UNC13C: variants seen among roughly 807,000 people sequenced by gnomAD.
UNC13C encodes the protein unc-13 homolog C, also known as protein unc-13 homolog C.
UNC13C carries 174 observed loss-of-function variants against 245.4 expected under a neutral mutation model. The ratio of observed to expected loss-of-function variants is 0.71; its 90% CI spans 0.63 to 0.80. The LOEUF is 0.80. Ranked by LOEUF, UNC13C falls within the 30% of genes least tolerant of loss-of-function variation. The pLI is 0.00. For synonymous variants in UNC13C, 992 were observed against 895.1 expected, an observed-to-expected ratio of 1.11 and a Z score of -1.93; for missense variants, 2,829 against 2,602.9, an observed-to-expected ratio of 1.09 and a Z score of -1.89.
intron 9 of UNC13C, among the ~76,000 whole-genome samples, chr15:54,265,120 A>G (rs1230571989): frequency 6.6e-6 from 1 of 151,980 alleles, no homozygotes; most frequent in Non-Finnish European, 1.5e-5. Context: ...ATGTATATGC[A>G]TGTGTATGTA....
rs561669875 is a variant in UNC13C at position 54,132,637 on chromosome 15, C to G, written c.2984-10381C>G. ...GCATACAGTAGGTACTCTGTAAAGG[C>G]TAATGACAGCTCAGCAACCCTCTGA... is the stretch of plus-strand genomic sequence containing the variant. On this transcript the variant is annotated intron_variant, in intron 2 of 32. Coordinates refer to ENST00000260323, the MANE Select transcript of UNC13C (RefSeq NM_001080534.3). 6.6e-5 allele frequency among the ~76,000 whole-genome samples: 10 copies of G among 152,280 alleles called. No homozygotes were observed. In the East Asian group the frequency reaches 1.9e-3, roughly 29 times the overall value.
In UNC13C at chr15:54,525,557, T is replaced by G. The variant is rs1231802487; in HGVS notation, c.5466T>G (p.Ser1822=). 1 of 1,612,016 alleles carries G rather than the reference T, an allele frequency of 6.2e-7. No homozygotes were observed. The change falls in exon 25 of 33, where the codon TCT becomes TCG. Residue 1822 remains serine (S), a synonymous_variant. Transcript: ENST00000260323. ...FESMGGKELD[S]EASTILKELQ... is the part of the protein sequence containing the mutation. ...TTATGGTCTCTCTGCAGCTAGATTCTGAAGCTAGTACTATTCTAAAAGAAC... is the reference window on the plus strand; with the variant it reads ...TTATGGTCTCTCTGCAGCTAGATTCGGAAGCTAGTACTATTCTAAAAGAAC...
At chr15:54,270,516 T>C (rs1427102702) in intron 10 of UNC13C, among the ~76,000 whole-genome samples, 1 of 152,178 alleles carries the variant, frequency 6.6e-6, no homozygotes, top group African/African-American at 2.4e-5. Flanking sequence ...TTAAAAATGA[T>C]AGCTGTATTA....
At chr15:54,080,968 ACT>A (rs1336155419) in intron 2 of UNC13C, among the ~76,000 whole-genome samples, 2 of 151,838 alleles carry the variant, frequency 1.3e-5, no homozygotes, top group Non-Finnish European at 2.9e-5. Context: ...TCCTCTTAAC[ACT>A]GTTTTGTTGT....
chr15:54,232,610 T>G (rs1344159753), intron 4 of UNC13C, among the ~76,000 whole-genome samples: 5 of 152,188 alleles, frequency 3.3e-5, no homozygotes, highest in African/African-American at 1.2e-4. Context: ...TATAACACTT[T>G]GCAGTTTATA....
intron 2 of UNC13C, among the ~76,000 whole-genome samples, chr15:54,026,822 CAATA>C (rs1270662711): frequency 1.3e-5 from 2 of 152,138 alleles, no homozygotes; most frequent in African/African-American, 4.8e-5. Context: ...GTTCATTCTT[CAATA>C]AATCTTTAAT....
chr15:54,283,648 C>T (rs956862465), intron 10 of UNC13C, among the ~76,000 whole-genome samples: 1 of 151,534 alleles, frequency 6.6e-6, no homozygotes, highest in African/African-American at 2.4e-5. Context: ...AAGCAGTTAC[C>T]TGTAATTAAA....
At chr15:54,448,654 C>G (rs4776230) in intron 19 of UNC13C, among the ~76,000 whole-genome samples, 33,074 of 151,886 alleles carry the variant, frequency 0.22, 3,761 homozygotes, top group African/African-American at 0.25. Flanking sequence ...CTTTTATTTT[C>G]AGCCTATGTG....
chr15:54,104,679 A>G (rs577013254), intron 2 of UNC13C, among the ~76,000 whole-genome samples: 1 of 143,604 alleles, frequency 7.0e-6, no homozygotes, highest in African/African-American at 2.7e-5. Context: ...CTAAATAATT[A>G]TATTTACAGT....
intron 18 of UNC13C, among the ~76,000 whole-genome samples, chr15:54,402,064 T>TAAA (rs55783137): frequency 4.3e-5 from 6 of 139,212 alleles, no homozygotes; most frequent in African/African-American, 1.3e-4. Flanking sequence ...TGTTGAAATG[T>TAAA]AAAAAAAAAA....
chr15:54,528,696 T>A (rs576540469), intron 25 of UNC13C, among the ~76,000 whole-genome samples: 5 of 152,008 alleles, frequency 3.3e-5, no homozygotes, highest in Admixed American at 3.3e-4. Flanking sequence ...TCAGTCTATC[T>A]CCCCACCCCA....
intron 30 of UNC13C, among the ~76,000 whole-genome samples, chr15:54,604,488 G>A (rs951063762): frequency 6.6e-6 from 1 of 152,170 alleles, no homozygotes; most frequent in Non-Finnish European, 1.5e-5. Flanking sequence ...GGCAGTTGCA[G>A]TTTTGGGGGA....
chr15:54,334,026 G>A (rs1462537495), intron 16 of UNC13C, among the ~76,000 whole-genome samples, 170 bp downstream of exon 16: 3 of 152,118 alleles, frequency 2.0e-5, no homozygotes, highest in Non-Finnish European at 4.4e-5. Context: ...GTATAGTGAA[G>A]AAGAGATTAT....
chr15:54,357,870 G>C (rs557801871), intron 17 of UNC13C, among the ~76,000 whole-genome samples: 1 of 151,858 alleles, frequency 6.6e-6, no homozygotes, highest in Admixed American at 6.6e-5. Context: ...GTGTATTTAT[G>C]TAAACCATTA....
chr15:54,379,317 T>G (rs2039671537), intron 17 of UNC13C, among the ~76,000 whole-genome samples: 1 of 152,050 alleles, frequency 6.6e-6, no homozygotes, highest in Admixed American at 6.6e-5. Flanking sequence ...TGTGTGTAGT[T>G]GGAAATTCAT....
intron 2 of UNC13C, among the ~76,000 whole-genome samples, chr15:54,021,953 C>A (rs1315460961): frequency 6.6e-6 from 1 of 152,048 alleles, no homozygotes; most frequent in Non-Finnish European, 1.5e-5. Flanking sequence ...TAGGCTATAC[C>A]ATATAGCTTA....
At chr15:54,188,739 C>T (rs1307295852) in intron 4 of UNC13C, among the ~76,000 whole-genome samples, 1 of 152,150 alleles carries the variant, frequency 6.6e-6, no homozygotes, top group Non-Finnish European at 1.5e-5. Context: ...CACTGATCCT[C>T]ACAGCTGGAT....
intron 19 of UNC13C, among the ~76,000 whole-genome samples, chr15:54,455,164 C>CGTCTCTCTCTCTCTCTCTCTCTCTCTAT (rs1891404906): frequency 5.7e-5 from 1 of 17,516 alleles, no homozygotes. Flanking sequence ...GAGTCATATT[C>CGTCTCTCTCTCTCTCTCTCTCTCTCTAT]CTCTCTCTCT....
chr15:54,267,715 C>A (rs986394554), intron 10 of UNC13C, among the ~76,000 whole-genome samples: 2 of 151,868 alleles, frequency 1.3e-5, no homozygotes, highest in African/African-American at 4.8e-5. Flanking sequence ...CTCATTTGTA[C>A]AATTGGTTTA....
Sources: allele counts gnomAD v4.1 joint callset (sites outside exome capture counted in the v4.1 genomes callset), GRCh38; gene constraint gnomAD v4.1.1; transcripts MANE v1.5; gene names NCBI Gene and HGNC (gene_info 2026-07-23, HGNC 2026-07-21).